PRKAG2: variants seen among roughly 807,000 people sequenced by gnomAD.
PRKAG2 encodes the protein protein kinase AMP-activated non-catalytic subunit gamma 2.
A neutral mutation model predicts 69.6 loss-of-function variants in PRKAG2; 26 were observed. The ratio of observed to expected loss-of-function variants is 0.37; its 90% confidence interval spans 0.27 to 0.52. The LOEUF (loss-of-function observed/expected upper bound fraction) is 0.52, where lower values mean the gene tolerates loss of function less well. Among genes scored for constraint, PRKAG2 ranks in the 20% least tolerant of loss-of-function variants. PRKAG2 has a pLI of 0.90. For synonymous variants in PRKAG2, 293 were observed against 285.0 expected, an observed-to-expected ratio of 1.03 and a Z score of -0.28; for missense variants, 557 against 740.0, an observed-to-expected ratio of 0.75 and a Z score of 2.87.
chr7:151,640,662 G>GCCTT (rs10655187), intron 4 of PRKAG2, among the ~76,000 whole-genome samples: 10,553 of 151,100 alleles, frequency 0.07, 1,179 homozygotes, highest in African/African-American at 0.24. Flanking sequence ...TTCCCCCACC[G>GCCTT]CCTTCCTTCC....
At chr7:151,794,638 C>G (rs1424340439) in intron 1 of PRKAG2, among the ~76,000 whole-genome samples, 1 of 152,270 alleles carries the variant, frequency 6.6e-6, no homozygotes, top group East Asian at 1.9e-4. Flanking sequence ...AGGGCAGTTG[C>G]TCACACTCAA....
At chr7:151,693,616 G>C (rs1836059634) in intron 3 of PRKAG2, among the ~76,000 whole-genome samples, 1 of 151,870 alleles carries the variant, frequency 6.6e-6, no homozygotes, top group South Asian at 2.1e-4. Context: ...TGAAGGCTGT[G>C]GTCTGAATGT....
intron 6 of PRKAG2, among the ~76,000 whole-genome samples, chr7:151,584,076 C>T (rs969134575): frequency 8.5e-5 from 13 of 152,294 alleles, no homozygotes; most frequent in East Asian, 7.7e-4. Context: ...ATACGGTCGT[C>T]GAGACTCTTC....
At chr7:151,825,808 AG>A (rs1010988743) in intron 1 of PRKAG2, among the ~76,000 whole-genome samples, 16 of 152,168 alleles carry the variant, frequency 1.1e-4, no homozygotes, top group Admixed American at 6.5e-5. Context: ...CAGACACCAG[AG>A]CATAAAGCTG....
Position 151,807,081 on chromosome 7 carries a change from A to G in PRKAG2, c.115-20540T>C, listed in dbSNP as rs576326446. 9.4e-6 allele frequency: 4 copies of G among 424,190 alleles called. No individual in the cohort carries two copies. The highest frequency in any genetic ancestry group is 7.0e-5 in the South Asian group (4 of 57,450). The allele number at this position is 424,190 out of a possible 1,614,324, so 26.3% of individuals were successfully genotyped here. ...TCAAGTCTGAAGGTGGAGGTGGGGA[A>G]GGGCAGAGGCTGTAAAGGGTCAGAG... On this transcript the variant is annotated intron_variant, in intron 1 of 15. Transcript: ENST00000287878. The surrounding 1 kb of genome is among the most constrained non-coding windows in gnomAD (Gnocchi z 4.4).
At chr7:151,805,843 C>T (rs970940864) in intron 1 of PRKAG2, among the ~76,000 whole-genome samples, 4 of 152,186 alleles carry the variant, frequency 2.6e-5, no homozygotes, top group East Asian at 3.8e-4. Context: ...CCTTCCCCAA[C>T]GTACAAGTGA....
intron 3 of PRKAG2, among the ~76,000 whole-genome samples, chr7:151,682,834 G>A (rs890872678): frequency 6.6e-6 from 1 of 152,022 alleles, no homozygotes; most frequent in African/African-American, 2.4e-5. Flanking sequence ...GGGGTGGGAC[G>A]GTGGCTCAGA....
At chr7:151,559,108 T>C (rs1434152940) in intron 15 of PRKAG2, 33 of 985,294 alleles carry the variant, frequency 3.3e-5, no homozygotes, top group Non-Finnish European at 3.9e-5. Context: ...TTAGCACAAA[T>C]GTGCTGTGCA....
intron 3 of PRKAG2, among the ~76,000 whole-genome samples, chr7:151,763,407 G>A (rs1188663491): frequency 2.0e-5 from 3 of 152,228 alleles, no homozygotes; most frequent in Non-Finnish European, 4.4e-5. Context: ...CCCATCATGT[G>A]GTCCCACCCT....
At position 151,595,475 on chromosome 7, in the gene PRKAG2, A is replaced by C. The variant is rs770763438; in HGVS notation, c.755-21T>G. On this transcript the variant is annotated intron_variant, in intron 5 of 15. Coordinates refer to ENST00000287878, the MANE Select transcript of PRKAG2 (RefSeq NM_016203.4). ...TACTGCTAAAAGAAAAAAAGGCAAA[A>C]CATCAGTAATAATAAAGAATTCCCT... 1.5e-5 allele frequency: 23 copies of C among 1,505,880 alleles called. No homozygotes were observed. In the South Asian group the frequency reaches 2.5e-4, roughly 16 times the overall value. The allele number at this position is 1,505,880 out of a possible 1,614,324, so 93.3% of individuals were successfully genotyped here.
intron 5 of PRKAG2, among the ~76,000 whole-genome samples, chr7:151,631,079 T>A (rs918533615): frequency 6.6e-6 from 1 of 152,222 alleles, no homozygotes; most frequent in Non-Finnish European, 1.5e-5. Flanking sequence ...TGACTGTGAA[T>A]GAACAGAGGT....
chr7:151,815,941 T>C (rs1194516940), intron 1 of PRKAG2, among the ~76,000 whole-genome samples: 1 of 152,200 alleles, frequency 6.6e-6, no homozygotes, highest in African/African-American at 2.4e-5. Flanking sequence ...TCCACGAGCC[T>C]GTGACTCAAA....
At chr7:151,824,537 C>T (rs1424492161) in intron 1 of PRKAG2, among the ~76,000 whole-genome samples, 2 of 152,104 alleles carry the variant, frequency 1.3e-5, no homozygotes, top group Non-Finnish European at 2.9e-5. Context: ...GGGTTATTAT[C>T]CCCACTACCC....
At chr7:151,564,623 T>A (rs191131924) in intron 13 of PRKAG2, among the ~76,000 whole-genome samples, 11 of 152,256 alleles carry the variant, frequency 7.2e-5, no homozygotes, top group Non-Finnish European at 1.3e-4. Context: ...GCAACGGACC[T>A]TCTCAACAAG....
intron 1 of PRKAG2, among the ~76,000 whole-genome samples, chr7:151,813,241 C>G (rs1051492800): frequency 1.3e-5 from 2 of 152,180 alleles, no homozygotes; most frequent in African/African-American, 4.8e-5. Flanking sequence ...TAGGCCTCTC[C>G]CCATCTTCCA....
intron 3 of PRKAG2, among the ~76,000 whole-genome samples, chr7:151,679,164 C>T (rs1325716495): frequency 1.3e-5 from 2 of 152,084 alleles, no homozygotes; most frequent in Non-Finnish European, 2.9e-5. Flanking sequence ...CCGGACCCTT[C>T]TCAGGGCCAG....
chr7:151,715,345 AAAATT>A (rs1796007342), intron 3 of PRKAG2, among the ~76,000 whole-genome samples: 1 of 136,472 alleles, frequency 7.3e-6, no homozygotes, highest in South Asian at 2.6e-4. Flanking sequence ...AAAAAAAAAA[AAAATT>A]ATTATTATTT....
At chr7:151,757,774 C>T (rs1418249941) in intron 3 of PRKAG2, among the ~76,000 whole-genome samples, 1 of 152,208 alleles carries the variant, frequency 6.6e-6, no homozygotes, top group Non-Finnish European at 1.5e-5. Context: ...GCCCCCGCCA[C>T]CCCATCATGA....
chr7:151,808,138 C>G (rs2078217947), intron 1 of PRKAG2, among the ~76,000 whole-genome samples: 1 of 152,156 alleles, frequency 6.6e-6, no homozygotes, highest in South Asian at 2.1e-4. Context: ...CAGACTTTGT[C>G]AAAGTGGTGG....
Sources: allele counts gnomAD v4.1 joint callset (sites outside exome capture counted in the v4.1 genomes callset), GRCh38; gene constraint gnomAD v4.1.1; non-coding constraint Gnocchi (gnomAD v3.1); transcripts MANE v1.5; gene names NCBI Gene and HGNC (gene_info 2026-07-23, HGNC 2026-07-21).